The following GPHN variants were observed in gnomAD, a reference collection of about 807,000 sequenced individuals.
GPHN encodes the protein gephyrin.
GPHN carries 17 observed loss-of-function variants against 95.5 expected under a neutral mutation model. That is an observed-to-expected ratio of 0.18 (90% CI 0.12 to 0.27). The LOEUF is 0.27. GPHN is among the 10% of genes least tolerant of loss of function. The pLI is 1.00. For synonymous variants in GPHN, 320 were observed against 322.5 expected (o/e 0.99, Z 0.08); for missense variants, 660 against 978.1 (o/e 0.67, Z 4.34).
At chr14:67,444,858 C>A in the GPHN span, among the ~76,000 whole-genome samples, 1 of 152,106 alleles carries the variant, frequency 6.6e-6, no homozygotes, top group African/African-American at 2.4e-5. Flanking sequence ...CTCCTGGGTT[C>A]AAGTGATTCT....
intron 3 of GPHN, among the ~76,000 whole-genome samples, chr14:66,789,067 CT>C (rs2059883018): frequency 6.6e-6 from 1 of 152,200 alleles, no homozygotes; most frequent in Non-Finnish European, 1.5e-5. Flanking sequence ...TGAGACAACC[CT>C]GTTGTGCTTT....
intron 5 of GPHN, among the ~76,000 whole-genome samples, chr14:66,914,875 A>G (rs1435521184): frequency 6.6e-6 from 1 of 152,108 alleles, no homozygotes; most frequent in Non-Finnish European, 1.5e-5. Flanking sequence ...CTATATAATT[A>G]CCCAGTGCCA....
chr14:66,924,828 G>A (rs2066400857), intron 8 of GPHN, among the ~76,000 whole-genome samples: 1 of 151,626 alleles, frequency 6.6e-6, no homozygotes, highest in South Asian at 2.1e-4. Flanking sequence ...CTTTTTAGGT[G>A]CATATTTGTT....
chr14:67,039,613 G>A (rs2074595682), intron 10 of GPHN, among the ~76,000 whole-genome samples: 1 of 152,148 alleles, frequency 6.6e-6, no homozygotes, highest in Admixed American at 6.5e-5. Context: ...GGGCAATATA[G>A]TGAGATCTCA....
chr14:66,626,036 G>A (rs2063513683), intron 1 of GPHN, among the ~76,000 whole-genome samples: 1 of 152,156 alleles, frequency 6.6e-6, no homozygotes. Flanking sequence ...CTTCCTACCT[G>A]AATGGTGTAA....
chr14:67,025,288 C>G (rs1478144622), intron 10 of GPHN, among the ~76,000 whole-genome samples: 1 of 152,094 alleles, frequency 6.6e-6, no homozygotes, highest in African/African-American at 2.4e-5. Context: ...TGTTGTATCT[C>G]TGTAAGGGGT....
the GPHN span, chr14:67,312,498 T>C: frequency 7.1e-7 from 1 of 1,407,072 alleles, no homozygotes; most frequent in Middle Eastern, 2.3e-4. Context: ...TTGCCATTTA[T>C]TGTTGTTTTT....
At chr14:67,575,979 C>T in the GPHN span, 2 of 1,613,290 alleles carry the variant, frequency 1.2e-6, no homozygotes, top group African/African-American at 2.7e-5. Context: ...CCCCACCTAC[C>T]TCCTCATTGG....
At chr14:67,022,484 A>C (rs1356412215) in intron 9 of GPHN, among the ~76,000 whole-genome samples, 3 of 150,454 alleles carry the variant, frequency 2.0e-5, no homozygotes, top group Admixed American at 1.3e-4. Context: ...AGTATGTTTA[A>C]AACTAGTTGA....
At chr14:67,175,106 C>G (rs761167830) in intron 21 of GPHN, among the ~76,000 whole-genome samples, 7 of 152,114 alleles carry the variant, frequency 4.6e-5, no homozygotes, top group East Asian at 1.9e-4. Context: ...TCAATTTTGA[C>G]TTTTGTTGCC....
chr14:67,360,761 T>C, the GPHN span: 29,246 of 152,162 alleles, frequency 0.19, 4,436 homozygotes, highest in East Asian at 0.48. Context: ...GATGGGGCGG[T>C]CTCAGGAGAA....
the GPHN span, among the ~76,000 whole-genome samples, chr14:67,345,060 G>A: frequency 1.3e-5 from 2 of 151,926 alleles, no homozygotes; most frequent in Non-Finnish European, 2.9e-5. Flanking sequence ...TGGACGACAT[G>A]GTGAAACCCC....
At chr14:66,554,439 C>T (rs2140210200) in intron 1 of GPHN, among the ~76,000 whole-genome samples, 1 of 152,280 alleles carries the variant, frequency 6.6e-6, no homozygotes, top group South Asian at 2.1e-4. Flanking sequence ...TTGCACATGG[C>T]TAGGGAGGCC....
chr14:67,337,564 G>T, the GPHN span: 1 of 151,594 alleles, frequency 6.6e-6, no homozygotes, highest in Non-Finnish European at 1.5e-5. Context: ...GATGTCACTT[G>T]ATTAAAATAC....
the GPHN span, among the ~76,000 whole-genome samples, chr14:67,509,374 A>G: frequency 6.6e-6 from 1 of 151,912 alleles, no homozygotes; most frequent in East Asian, 1.9e-4. Context: ...GCTGGAGTGC[A>G]ATGGCATGAT....
At chr14:66,862,445 GA>G (rs1185771214) in intron 4 of GPHN, among the ~76,000 whole-genome samples, 1 of 151,956 alleles carries the variant, frequency 6.6e-6, no homozygotes, top group African/African-American at 2.4e-5. Flanking sequence ...AAAGTATTCC[GA>G]AATACAAGGA....
the GPHN span, among the ~76,000 whole-genome samples, chr14:67,430,311 C>T: frequency 6.6e-6 from 1 of 152,118 alleles, no homozygotes; most frequent in Non-Finnish European, 1.5e-5. Flanking sequence ...GAATAACATA[C>T]GGGCCTAGGG....
the GPHN span, among the ~76,000 whole-genome samples, chr14:67,209,317 A>G: frequency 6.6e-6 from 1 of 152,156 alleles, no homozygotes; most frequent in African/African-American, 2.4e-5. Context: ...AGAGAGAGAG[A>G]GAATAGAGAG....
At chr14:67,141,944 T>A (rs565417534) in intron 17 of GPHN, among the ~76,000 whole-genome samples, 4 of 152,330 alleles carry the variant, frequency 2.6e-5, no homozygotes, top group African/African-American at 9.6e-5. Flanking sequence ...ATATGCTGTC[T>A]CGTTGAGAGA....
Sources: allele counts gnomAD v4.1 joint callset (sites outside exome capture counted in the v4.1 genomes callset), GRCh38; gene constraint gnomAD v4.1.1; transcripts MANE v1.5; gene names NCBI Gene and HGNC (gene_info 2026-07-23, HGNC 2026-07-21).